The following ZNF638 variants were observed in gnomAD, a reference collection of about 807,000 sequenced individuals.
ZNF638 encodes zinc finger protein 638, also known as CTCL tumor antigen se33-1.
ZNF638 carries 46 observed loss-of-function variants against 195.6 expected under a neutral mutation model. The ratio of observed to expected loss-of-function variants is 0.24; its 90% CI spans 0.19 to 0.30. The LOEUF (loss-of-function observed/expected upper bound fraction) is 0.30. Among genes scored for constraint, ZNF638 ranks in the 10% least tolerant of loss-of-function variants. ZNF638 has a pLI of 1.00. For synonymous variants in ZNF638, 845 were observed against 772.0 expected, an observed-to-expected ratio of 1.09 and a Z score of -1.57; for missense variants, 2,440 against 2,325.3, an observed-to-expected ratio of 1.05 and a Z score of -1.01.
chr2:71,382,661 G>A (rs1181100577), intron 10 of ZNF638, among the ~76,000 whole-genome samples: 1 of 152,162 alleles, frequency 6.6e-6, no homozygotes, highest in Non-Finnish European at 1.5e-5. Flanking sequence ...GGATGTATCA[G>A]TGGACCAAAT....
intron 3 of ZNF638, among the ~76,000 whole-genome samples, chr2:71,359,062 A>T (rs2079067660): frequency 6.6e-6 from 1 of 152,152 alleles, no homozygotes; most frequent in Non-Finnish European, 1.5e-5. Flanking sequence ...AAACCAAAAA[A>T]CTTATGTGAC....
At chr2:71,398,061 G>T (rs2079931305) in intron 11 of ZNF638, among the ~76,000 whole-genome samples, 1 of 152,046 alleles carries the variant, frequency 6.6e-6, no homozygotes, top group Admixed American at 6.6e-5. Flanking sequence ...TGTGTCCTTG[G>T]AATTAGTAAT....
chr2:71,343,840 A>T lies in ZNF638; in HGVS notation c.-202-4913A>T, dbSNP rs575985843. Among the ~76,000 whole-genome samples the T allele has an allele frequency of 2.4e-4, 36 of 152,296 alleles. 1 individual carries two copies. In the South Asian group the frequency reaches 7.5e-3, roughly 32 times the overall value. ...ATCACACCATCTCCTGTTAAAATTAACAGCTTGCCGCCAGGCGCGGTGGCT... is the reference window on the plus strand; with the variant it reads ...ATCACACCATCTCCTGTTAAAATTATCAGCTTGCCGCCAGGCGCGGTGGCT... On this transcript the variant is annotated intron_variant, in intron 1 of 27. Transcript: ENST00000264447.
chr2:71,341,901 T>A (rs2078767791), intron 1 of ZNF638: 1 of 152,200 alleles, frequency 6.6e-6, no homozygotes, highest in African/African-American at 2.4e-5. Flanking sequence ...TCAGGTTACA[T>A]CATTATCTTA....
chr2:71,420,010 A>T (rs1300706326), intron 21 of ZNF638, among the ~76,000 whole-genome samples: 1 of 99,954 alleles, frequency 1.0e-5, no homozygotes, highest in Non-Finnish European at 1.8e-5. Flanking sequence ...TTTTAACATT[A>T]GAGAAAAAGA....
At chr2:71,337,619 T>G (rs1034764346) in intron 1 of ZNF638, among the ~76,000 whole-genome samples, 1 of 152,166 alleles carries the variant, frequency 6.6e-6, no homozygotes, top group African/African-American at 2.4e-5. Flanking sequence ...TTGCCCAGGC[T>G]GGTCTCGAAC....
chr2:71,370,931 T>C (rs2079299326), intron 8 of ZNF638, among the ~76,000 whole-genome samples: 1 of 152,158 alleles, frequency 6.6e-6, no homozygotes. Context: ...TCTTACTCAT[T>C]CTGTTTTTTT....
intron 10 of ZNF638, among the ~76,000 whole-genome samples, chr2:71,393,232 A>G (rs2079821111): frequency 6.6e-6 from 1 of 152,242 alleles, no homozygotes; most frequent in Admixed American, 6.5e-5. Context: ...TCTAAAATTT[A>G]AATGATAAAT....
intron 15 of ZNF638, 103 bp downstream of exon 15, chr2:71,400,621 G>T: frequency 1.1e-6 from 1 of 918,366 alleles, no homozygotes; most frequent in Non-Finnish European, 1.6e-6. Flanking sequence ...TTTGGCATGT[G>T]AGAAATTCCA....
At chr2:71,400,260 C>A in intron 14 of ZNF638, 80 bp downstream of exon 14, 3 of 1,176,358 alleles carry the variant, frequency 2.6e-6, no homozygotes, top group Non-Finnish European at 2.4e-6. Flanking sequence ...AAGAGTATTA[C>A]GATTCATGTC....
intron 1 of ZNF638, among the ~76,000 whole-genome samples, chr2:71,342,876 AT>A (rs371726320): frequency 4.8e-4 from 73 of 151,162 alleles, no homozygotes; most frequent in African/African-American, 1.6e-3. Flanking sequence ...AGCTGAAGCT[AT>A]TTTTTTTTGT....
In ZNF638 at chr2:71,383,370, G is replaced by C. The variant is rs137913635; in HGVS notation, c.2377+2805G>C. On this transcript the variant is annotated intron_variant, in intron 10 of 27. Transcript: ENST00000264447. ...AGAGATAGATTCAGAAAGGTTAAAT[G>C]AGTCAGGGCCACATGGAGGAGTTAG... Among the ~76,000 whole-genome samples the C allele has an allele frequency of 3.9e-3, 596 of 152,228 alleles. 7 individuals are homozygous for C. The highest frequency in any genetic ancestry group is 0.013 in the African/African-American group (557 of 41,526).
Position 71,423,352 on chromosome 2 carries a change from A to G in ZNF638, c.3838A>G (p.Ile1280Val), listed in dbSNP as rs763079450. ...TTCGGAAATATTGCCATCAACTTGT[A>G]TTGTGACGTTAGTACCAGGAATTCC... ...TVSEILPSTC[I>V]VTLVPGIPTG... Residue 1280 changes from isoleucine to valine, a missense_variant, in exon 22 of 28, where the codon ATT (isoleucine) becomes GTT (valine). Ile to Val is a conservative substitution (Grantham distance 29, BLOSUM62 3). Coordinates refer to ENST00000264447, the MANE Select transcript of ZNF638 (RefSeq NM_014497.5). 16 of 1,613,870 alleles carry G rather than the reference A, an allele frequency of 9.9e-6. No homozygotes were observed. The East Asian group carries it at 1.3e-4, about 13-fold the overall frequency.
At chr2:71,337,445 GCT>G (rs2078689411) in intron 1 of ZNF638, among the ~76,000 whole-genome samples, 1 of 151,976 alleles carries the variant, frequency 6.6e-6, no homozygotes, top group Admixed American at 6.6e-5. Flanking sequence ...GAAGTGTCTG[GCT>G]CTGTCACCTA....
chr2:71,398,301 A>G (rs1457211927), intron 11 of ZNF638, among the ~76,000 whole-genome samples: 1 of 152,156 alleles, frequency 6.6e-6, no homozygotes, highest in Non-Finnish European at 1.5e-5. Flanking sequence ...CCTTATATAC[A>G]TAGCCTGAAG....
chr2:71,420,249 C>T (rs1425909100), intron 21 of ZNF638, among the ~76,000 whole-genome samples: 1 of 151,782 alleles, frequency 6.6e-6, no homozygotes, highest in African/African-American at 2.4e-5. Context: ...GTTGCCAATT[C>T]ATTATGAATA....
At chr2:71,410,038 GT>G (rs2080180948) in intron 20 of ZNF638, among the ~76,000 whole-genome samples, 1 of 152,126 alleles carries the variant, frequency 6.6e-6, no homozygotes, top group Admixed American at 6.6e-5. Context: ...GTAAAATTCT[GT>G]GCTTAGGCTA....
chr2:71,395,275 C>T (rs540723630), intron 10 of ZNF638: 167 of 717,272 alleles, frequency 2.3e-4, no homozygotes, highest in African/African-American at 1.2e-3. Flanking sequence ...GAGCAGTAAT[C>T]GCTACGCCTG....
rs193278190 is a variant in ZNF638 at position 71,426,757 on chromosome 2, C to G, written c.4888C>G (p.Leu1630Val). 4.3e-5 allele frequency: 69 copies of G among 1,613,714 alleles called. No homozygotes were observed. The Admixed American group carries it at 1.1e-3, about 27-fold the overall frequency. Residue 1630 changes from leucine to valine, a missense_variant, in exon 24 of 28, where the codon CTA (leucine) becomes GTA (valine). Around this residue, in one of 5 missense-constraint regions of ZNF638, gnomAD observed 1,883 missense variants for 1,739.1 expected, o/e 1.08. Transcript: ENST00000264447. ...TVDEVIDEEELNMEEMVKNSN... is the reference protein window; with the variant it reads ...TVDEVIDEEEVNMEEMVKNSN... ...GGATGAAGTAATTGATGAAGAAGAA[C>G]TAAATATGGAAGAAATGGTAAAAAA...
Sources: allele counts gnomAD v4.1 joint callset (sites outside exome capture counted in the v4.1 genomes callset), GRCh38; gene constraint gnomAD v4.1.1; regional missense constraint gnomAD v4.1.1; transcripts MANE v1.5; gene names NCBI Gene and HGNC (gene_info 2026-07-23, HGNC 2026-07-21).